FBF1: variants seen among roughly 807,000 people sequenced by gnomAD.
FBF1 encodes Fas binding factor 1.
FBF1 carries 119 observed loss-of-function variants against 147.2 expected under a neutral mutation model. That is an observed-to-expected ratio of 0.81 (90% CI 0.70 to 0.94). The LOEUF (loss-of-function observed/expected upper bound fraction) is 0.94. Among genes scored for constraint, FBF1 ranks in the 40% least tolerant of loss-of-function variants. The pLI, the probability that FBF1 is intolerant of heterozygous loss-of-function variation, is 0.00. For synonymous variants in FBF1, 601 were observed against 609.0 expected (o/e 0.99, Z 0.19); for missense variants, 1,449 against 1,500.8 (o/e 0.97, Z 0.57).
rs770206579 is a variant in FBF1, at chr17:75,912,270, G to C, written c.3285C>G (p.Ser1095Arg). The change falls in exon 29 of 30, where the codon AGC (serine) becomes AGG (arginine). Residue 1095 changes from serine (S) to arginine (R), a missense_variant. Coordinates refer to ENST00000636174, the MANE Select transcript of FBF1 (RefSeq NM_001319193.2). The stretch of plus-strand genomic sequence containing the variant: ...TGGGGTCCAGGCCAGTTGGCGGCTG[G>C]CTGCACCAACGGGTGGTGGGAGCAG... ...MPPAPTTRWC[S>R]QPPTGLDPSP... 2 of 1,609,604 alleles carry C rather than the reference G, an allele frequency of 1.2e-6. No individual in the cohort carries two copies. The highest frequency in any genetic ancestry group is 2.7e-5 in the African/African-American group (2 of 74,872).
rs1367237835 is a variant in FBF1, at chr17:75,918,239, G to A, written c.2169C>T (p.His723=). 1.4e-5 allele frequency: 22 copies of A among 1,613,332 alleles called. No homozygotes were observed. The highest frequency in any genetic ancestry group is 4.0e-5 in the African/African-American group (3 of 74,940). The change falls in exon 21 of 30, where the codon CAC becomes CAT. Residue 723 remains histidine (H), a synonymous_variant. Transcript: ENST00000636174. This position sits in a 1 kb window ranked among gnomAD's most constrained non-coding sequence, Gnocchi z 5.8. ...RASILDMRRD[H]EEQLQRLKLL... ...GCTTTAGCCGCTGCAGCTGCTCCTC[G>A]TGGTCTCTGCGCATGTCTAGGATGG...
chr17:75,927,962 A>G, intron 8 of FBF1, 114 bp downstream of exon 8: 1 of 813,790 alleles, frequency 1.2e-6, no homozygotes, highest in East Asian at 2.6e-5. Context: ...TCCTGTGCAG[A>G]GAAAACCCAA....
intron 1 of FBF1, among the ~76,000 whole-genome samples, chr17:75,938,657 G>A (rs549841875): frequency 1.3e-3 from 190 of 150,950 alleles, no homozygotes; most frequent in Non-Finnish European, 1.9e-3. Context: ...TGAGGTCAGG[G>A]GTTCGTGACC....
Position 75,926,142 on chromosome 17 carries a change from GC to G in FBF1, c.755del (p.Arg252ProfsTer30). 1 of 1,608,686 alleles carries G rather than the reference GC, an allele frequency of 6.2e-7. No homozygotes were observed. The highest frequency in any genetic ancestry group is 8.5e-7 in the Non-Finnish European group (1 of 1,178,236). ...IGDQEGPRPARSTLDELLGRG... is the reference protein window; with the variant it reads ...IGDQEGPRPAXSTLDELLGRG... ...GACCCAGCAGCTCATCCAGCGTGGA[GC>G]GAGCAGGGCGAGGCCCTTCCCTGCA... On this transcript the variant is annotated frameshift_variant, in exon 12 of 30. Transcript: ENST00000636174. LOFTEE classifies it high-confidence loss of function.
intron 4 of FBF1, among the ~76,000 whole-genome samples, chr17:75,934,794 G>C (rs1221916051): frequency 1.3e-5 from 2 of 150,646 alleles, no homozygotes; most frequent in African/African-American, 4.9e-5. Context: ...CAGGAGAATT[G>C]CTTGAACCTG....
At chr17:75,912,337 C>T in intron 28 of FBF1, 30 bp from the exon 29 acceptor site, 1 of 1,514,676 alleles carries the variant, frequency 6.6e-7, no homozygotes, top group Non-Finnish European at 8.9e-7. Flanking sequence ...AGTCAGGGAC[C>T]AAAGTGTTGG....
rs972468543 is a variant in FBF1 at position 75,930,588 on chromosome 17, C to T, written c.229-541G>A. 1.9e-4 allele frequency among the ~76,000 whole-genome samples: 29 copies of T among 152,092 alleles called. 1 individual carries two copies. The highest frequency in any genetic ancestry group is 1.4e-3 in the Admixed American group (21 of 15,264). ...CAGCCTGGCCAATGTGGTGAAACCC[C>T]GTCTCTACTAAAAATACAAAATTAC... On this transcript the variant is annotated intron_variant, in intron 6 of 29. Transcript: ENST00000636174.
Position 75,921,515 on chromosome 17 carries a change from A to G in FBF1, c.1572T>C (p.Gly524=). 1 of 1,613,172 alleles carries G rather than the reference A, an allele frequency of 6.2e-7. No homozygotes were observed. Among genetic ancestry groups the G allele is most frequent in the Non-Finnish European group, 8.5e-7 (1 of 1,179,636 alleles). ...CAGGGGCTGTTCCCCTCTTTGGGGAACCTGTAGGGAGTGCTGAGGCGGCAT... is the reference window on the plus strand; with the variant it reads ...CAGGGGCTGTTCCCCTCTTTGGGGAGCCTGTAGGGAGTGCTGAGGCGGCAT... ...QNHAASALPT[G]SPKRGTAPGD... Residue 524 remains glycine, a synonymous_variant, in exon 16 of 30, where the codon GGT becomes GGC. Transcript: ENST00000636174.
At position 75,935,722 on chromosome 17, in the gene FBF1, C is replaced by G. The variant is rs565405883; in HGVS notation, c.32-49G>C. ...TGACTTCAGGAGGAAAGAAGAGTGG[C>G]CCTTATAAACATCAAGGCTTGAGAC... On this transcript the variant is annotated intron_variant, in intron 3 of 29. Transcript: ENST00000636174. The G allele has an allele frequency of 3.8e-5, 58 of 1,509,294 alleles. 1 individual carries two copies. The African/African-American group carries it at 7.4e-4, about 19-fold the overall frequency. The allele number at this position is 1,509,294 out of a possible 1,614,324, so 93.5% of individuals were successfully genotyped here.
At chr17:75,937,093 T>C (rs1377974516) in intron 3 of FBF1, among the ~76,000 whole-genome samples, 2 of 152,116 alleles carry the variant, frequency 1.3e-5, no homozygotes, top group African/African-American at 4.8e-5. Context: ...TCTGAACTTC[T>C]CTGAGGACCA....
At chr17:75,924,510 A>G (rs891751255) in intron 13 of FBF1, among the ~76,000 whole-genome samples, 85 of 152,088 alleles carry the variant, frequency 5.6e-4, no homozygotes, top group African/African-American at 2.0e-3. Context: ...GTCTCGCTCT[A>G]TTGCCCAGGC....
chr17:75,914,556 A>T (rs1331692904), intron 25 of FBF1, 191 bp downstream of exon 25: 6 of 826,978 alleles, frequency 7.3e-6, no homozygotes, highest in African/African-American at 1.7e-5. Context: ...AGGATCAAAT[A>T]AAATGTGTAT....
chr17:75,937,880 G>A (rs1174181553), intron 2 of FBF1: 4 of 627,092 alleles, frequency 6.4e-6, no homozygotes, highest in African/African-American at 1.8e-5. Context: ...TCATGTGACC[G>A]GAAATGTCTT....
intron 23 of FBF1, 110 bp from the exon 24 acceptor site, chr17:75,915,249 T>C (rs1011520621): frequency 2.7e-5 from 39 of 1,425,910 alleles, no homozygotes; most frequent in Non-Finnish European, 3.5e-5. Flanking sequence ...ACTATGCCAC[T>C]GACACGTCCT....
In FBF1 at chr17:75,909,858, C is replaced by T. The variant is rs1567855783; in HGVS notation, c.*865G>A. Reference sequence around the variant, plus strand: ...AAACTCCGATGAGCCATGGCAAAAGCAGTTTTTTTAAGCTTAGTCAAGTTG... The same window carrying T: ...AAACTCCGATGAGCCATGGCAAAAGTAGTTTTTTTAAGCTTAGTCAAGTTG... On this transcript the variant is annotated 3_prime_UTR_variant, in exon 30 of 30. Transcript: ENST00000636174. 1 of 694,892 alleles carries T rather than the reference C, an allele frequency of 1.4e-6. No individual in the cohort carries two copies. Among genetic ancestry groups the T allele is most frequent in the Admixed American group, 2.0e-5 (1 of 49,406 alleles). The allele number at this position is 694,892 out of a possible 1,614,324, so 43.0% of individuals were successfully genotyped here.
chr17:75,926,554 C>A, intron 10 of FBF1, 128 bp from the exon 11 acceptor site: 1 of 1,381,528 alleles, frequency 7.2e-7, no homozygotes, highest in Non-Finnish European at 9.6e-7. Flanking sequence ...CCTGGTCTGT[C>A]CACGGGACCC....
Position 75,919,895 on chromosome 17 carries a change from C to T in FBF1, c.1932-21G>A. The T allele has an allele frequency of 6.2e-7, 1 of 1,613,568 alleles. No homozygotes were observed. The highest frequency in any genetic ancestry group is 8.5e-7 in the Non-Finnish European group (1 of 1,179,822). Reference sequence around the variant, plus strand: ...GGCTTCTGCCAACAGAACACCCAGCCATGGCGCAAGGAAGGCAGAGGGCTG... The same window carrying T: ...GGCTTCTGCCAACAGAACACCCAGCTATGGCGCAAGGAAGGCAGAGGGCTG... On this transcript the variant is annotated intron_variant, in intron 19 of 29. Transcript: ENST00000636174. This position sits in a 1 kb window ranked among gnomAD's most constrained non-coding sequence, Gnocchi z 5.0.
rs946049810 is a variant in FBF1, at chr17:75,928,265, G to A, written c.280-72C>T. On this transcript the variant is annotated intron_variant, in intron 7 of 29. Transcript: ENST00000636174. The surrounding 1 kb of genome is among the most constrained non-coding windows in gnomAD (Gnocchi z 4.2). The stretch of plus-strand genomic sequence containing the variant: ...CTGAGGACTTCCACCTGAGAGAGAT[G>A]GGCTGTTGGCACCCCAGGTGTAGAA... The A allele has an allele frequency of 1.5e-5, 18 of 1,226,734 alleles. No homozygotes were observed. The African/African-American group carries it at 2.7e-4, about 18-fold the overall frequency. The allele number at this position is 1,226,734 out of a possible 1,614,324, so 76.0% of individuals were successfully genotyped here. A position where few individuals can be genotyped will look rare whatever the true frequency, so the allele number is the denominator to read the frequency against.
intron 11 of FBF1, 48 bp from the exon 12 acceptor site, chr17:75,926,211 C>T (rs192336899): frequency 2.2e-5 from 35 of 1,603,844 alleles, no homozygotes; most frequent in East Asian, 6.7e-5. Context: ...GAGGGGCTCT[C>T]GGGAATCCCA....
Sources: gnomAD v4.1 joint callset for allele counts (sites outside exome capture counted in the v4.1 genomes callset) on GRCh38, gnomAD v4.1.1 for gene constraint, Gnocchi (gnomAD v3.1) non-coding constraint, MANE v1.5 for transcripts, NCBI Gene and HGNC (gene_info 2026-07-23, HGNC 2026-07-21) for gene names.